GAS7: variants seen among roughly 807,000 people sequenced by gnomAD.
The protein encoded by GAS7 is growth arrest-specific protein 7.
Under a neutral mutation model 71.1 loss-of-function variants are expected in GAS7, and 28 were observed. That is an observed-to-expected ratio of 0.39 (90% CI 0.29 to 0.54). The LOEUF (loss-of-function observed/expected upper bound fraction) is 0.54. Ranked by LOEUF, GAS7 falls within the 20% of genes least tolerant of loss-of-function variation. The pLI is 0.62. For synonymous variants in GAS7, 258 were observed against 245.8 expected (o/e 1.05, Z -0.46); for missense variants, 436 against 627.8 (o/e 0.69, Z 3.27).
intron 1 of GAS7, among the ~76,000 whole-genome samples, chr17:10,045,684 G>A (rs1447625892): frequency 1.3e-5 from 2 of 152,156 alleles, no homozygotes; most frequent in Non-Finnish European, 2.9e-5. Flanking sequence ...GCGACAGAGT[G>A]AGACGCTATC....
At chr17:10,152,454 T>TG (rs1393569435) in intron 1 of GAS7, among the ~76,000 whole-genome samples, 1 of 152,236 alleles carries the variant, frequency 6.6e-6, no homozygotes, top group Non-Finnish European at 1.5e-5. Flanking sequence ...TGACTGTGCG[T>TG]GCATTAGCTC....
At position 10,034,280 on chromosome 17, in the gene GAS7, A is replaced by ATATATAC; in HGVS notation, c.184-14390_184-14384dup. On this transcript the variant is annotated intron_variant, in intron 1 of 13. Transcript: ENST00000432992. This position sits in a 1 kb window ranked among gnomAD's most constrained non-coding sequence, Gnocchi z 4.4. ...GACCAGATGGTCTCCAAGGGCTTTC[A>ATATATAC]TATATACATATATATAGCCTAATAC... 1 of 858,398 alleles carries ATATATAC rather than the reference A, an allele frequency of 1.2e-6. No homozygotes were observed. Among genetic ancestry groups the ATATATAC allele is most frequent in the Non-Finnish European group, 1.4e-6 (1 of 714,412 alleles). 53.2% of individuals were successfully genotyped at this position (858,398 alleles called of 1,614,324 possible). A position where few individuals can be genotyped will look rare whatever the true frequency, so the allele number is the denominator to read the frequency against.
intron 9 of GAS7, among the ~76,000 whole-genome samples, chr17:9,928,766 AG>A (rs1266629419): frequency 6.6e-6 from 1 of 152,184 alleles, no homozygotes; most frequent in African/African-American, 2.4e-5. Flanking sequence ...CCAAGCGGGC[AG>A]GGGCCCCATC....
chr17:10,156,847 C>G (rs1301804349), intron 1 of GAS7, among the ~76,000 whole-genome samples: 5 of 152,024 alleles, frequency 3.3e-5, no homozygotes, highest in African/African-American at 1.2e-4. Flanking sequence ...CCTGCTCAAG[C>G]CTCTATAAAC....
intron 1 of GAS7, among the ~76,000 whole-genome samples, chr17:10,111,524 C>T (rs1231477357): frequency 3.4e-5 from 5 of 148,172 alleles, no homozygotes; most frequent in Admixed American, 2.7e-4. Flanking sequence ...CAGAGTGAGA[C>T]TCTGTCTCAA....
intron 1 of GAS7, among the ~76,000 whole-genome samples, chr17:10,189,734 T>C (rs1489116625): frequency 6.6e-6 from 1 of 151,640 alleles, no homozygotes; most frequent in Non-Finnish European, 1.5e-5. Context: ...AGGCCAGGAG[T>C]TGGAGACCAG....
intron 1 of GAS7, among the ~76,000 whole-genome samples, chr17:10,188,164 A>G (rs1238555959): frequency 6.6e-6 from 1 of 151,736 alleles, no homozygotes; most frequent in Non-Finnish European, 1.5e-5. Context: ...AATTACTTGC[A>G]CCCAGGAGAC....
chr17:10,107,926 G>A (rs2073775147), intron 1 of GAS7, among the ~76,000 whole-genome samples: 1 of 151,896 alleles, frequency 6.6e-6, no homozygotes, highest in Admixed American at 6.6e-5. Context: ...GGCTGGTTAG[G>A]GAAACCGCCT....
chr17:9,969,615 A>G lies in GAS7; in HGVS notation c.471+62T>C. The G allele has an allele frequency of 1.0e-6, 1 of 996,432 alleles. No homozygotes were observed. Among genetic ancestry groups the G allele is most frequent in the East Asian group, 2.4e-5 (1 of 41,764 alleles). The allele number at this position is 996,432 out of a possible 1,614,324, so 61.7% of individuals were successfully genotyped here. ...CTGGACTCCCATGATGGACTTTGTA[A>G]TGCAGTTTCCTAGGCCTGCAGAAGC... is the stretch of plus-strand genomic sequence containing the variant. On this transcript the variant is annotated intron_variant, in intron 4 of 13. Transcript: ENST00000432992. This position sits in a 1 kb window ranked among gnomAD's most constrained non-coding sequence, Gnocchi z 5.5.
At chr17:10,040,516 T>C (rs886349620) in intron 1 of GAS7, among the ~76,000 whole-genome samples, 2 of 152,004 alleles carry the variant, frequency 1.3e-5, no homozygotes, top group Non-Finnish European at 2.9e-5. Context: ...TACCAGGGTA[T>C]AAAAAGGTCA....
chr17:9,942,772 C>G (rs1265168918), intron 7 of GAS7, among the ~76,000 whole-genome samples: 1 of 152,226 alleles, frequency 6.6e-6, no homozygotes, highest in Non-Finnish European at 1.5e-5. Flanking sequence ...CACACACCCC[C>G]TCTACAAGAG....
At chr17:10,009,277 C>A (rs1184528383) in intron 2 of GAS7, among the ~76,000 whole-genome samples, 1 of 146,292 alleles carries the variant, frequency 6.8e-6, no homozygotes, top group Non-Finnish European at 1.5e-5. Context: ...GCCGAGATCC[C>A]GCCACTGCAC....
rs80052066 is a variant in GAS7 at position 10,115,868 on chromosome 17, G to A, written c.183+82340C>T. 8.1e-3 allele frequency among the ~76,000 whole-genome samples: 1,228 copies of A among 152,158 alleles called. 20 individuals carry two copies. The highest frequency in any genetic ancestry group is 0.029 in the African/African-American group (1,187 of 41,502). On this transcript the variant is annotated intron_variant, in intron 1 of 13. Transcript: ENST00000432992. ...CAGGCAAATTCTTAGTACCTTCTAC[G>A]AGTGAGGCACGCTGTCCCTGGGGGT...
At chr17:9,930,547 G>A (rs1455746236) in intron 9 of GAS7, among the ~76,000 whole-genome samples, 1 of 152,162 alleles carries the variant, frequency 6.6e-6, no homozygotes, top group Non-Finnish European at 1.5e-5. Flanking sequence ...CAGGAGCCAG[G>A]TATAACTTTC....
intron 1 of GAS7, among the ~76,000 whole-genome samples, chr17:10,131,706 A>G (rs569227732): frequency 2.3e-4 from 35 of 152,286 alleles, no homozygotes; most frequent in African/African-American, 8.4e-4. Context: ...AACATATAAC[A>G]TGTACTCAGT....
intron 2 of GAS7, among the ~76,000 whole-genome samples, chr17:9,986,890 C>T (rs2070670632): frequency 6.6e-6 from 1 of 152,200 alleles, no homozygotes; most frequent in Non-Finnish European, 1.5e-5. Context: ...CTGAGCCAGG[C>T]CAGGCCAGGC....
intron 5 of GAS7, among the ~76,000 whole-genome samples, chr17:9,953,506 A>G (rs1373514287): frequency 6.6e-6 from 1 of 152,156 alleles, no homozygotes; most frequent in Non-Finnish European, 1.5e-5. Context: ...TTCTCATTTC[A>G]TCTTCCCAGC....
At chr17:10,010,297 C>T (rs1157438538) in intron 2 of GAS7, among the ~76,000 whole-genome samples, 1 of 152,010 alleles carries the variant, frequency 6.6e-6, no homozygotes, top group East Asian at 1.9e-4. Flanking sequence ...CTTACAGGCA[C>T]CCGCCACCAC....
intron 1 of GAS7, among the ~76,000 whole-genome samples, chr17:10,042,164 A>G (rs9902231): frequency 0.97 from 147,924 of 151,972 alleles, 72,000 homozygotes; most frequent in South Asian, 0.99. Flanking sequence ...GCGTGGTGGC[A>G]CGTGCCTGTA....
Sources: gnomAD v4.1 joint callset for allele counts (sites outside exome capture counted in the v4.1 genomes callset) on GRCh38, gnomAD v4.1.1 for gene constraint, Gnocchi (gnomAD v3.1) non-coding constraint, MANE v1.5 for transcripts, NCBI Gene and HGNC (gene_info 2026-07-23, HGNC 2026-07-21) for gene names.